CEP112: variants seen among roughly 807,000 people sequenced by gnomAD.
CEP112 encodes the protein centrosomal protein 112.
Under a neutral mutation model 153.0 loss-of-function variants are expected in CEP112, and 127 were observed. That is an observed-to-expected ratio of 0.83 (90% CI 0.72 to 0.96). The LOEUF (loss-of-function observed/expected upper bound fraction) is 0.96. Among genes scored for constraint, CEP112 ranks in the 40% least tolerant of loss-of-function variants. CEP112 has a pLI of 0.00. For missense variants in CEP112, 1,089 were observed against 1,101.2 expected (o/e 0.99, Z 0.16); for synonymous variants, 358 against 374.4 (o/e 0.96, Z 0.51).
chr17:66,144,802 C>T (rs765462987), intron 4 of CEP112, among the ~76,000 whole-genome samples: 1 of 152,014 alleles, frequency 6.6e-6, no homozygotes, highest in African/African-American at 2.4e-5. Flanking sequence ...GATTGTTTAC[C>T]CCTTTGGGTT....
chr17:65,908,128 T>C (rs2060149693), intron 19 of CEP112, among the ~76,000 whole-genome samples: 2 of 152,196 alleles, frequency 1.3e-5, no homozygotes, highest in South Asian at 4.1e-4. Context: ...AGGAGTTCCC[T>C]GTAATAAAAG....
intron 21 of CEP112, among the ~76,000 whole-genome samples, chr17:65,824,689 C>A (rs549738373): frequency 6.6e-6 from 1 of 152,064 alleles, no homozygotes; most frequent in East Asian, 1.9e-4. Context: ...TGTGAAGCCA[C>A]AAACGGAGAT....
At chr17:65,684,410 A>G (rs2047682454) in intron 24 of CEP112, among the ~76,000 whole-genome samples, 1 of 152,248 alleles carries the variant, frequency 6.6e-6, no homozygotes, top group African/African-American at 2.4e-5. Context: ...GCCAGTTTGA[A>G]GCAGGGAATT....
chr17:65,959,860 G>T (rs2062135656), intron 18 of CEP112, among the ~76,000 whole-genome samples: 2 of 152,170 alleles, frequency 1.3e-5, no homozygotes, highest in African/African-American at 4.8e-5. Context: ...CTCACCCTTG[G>T]CAGGTGTTGG....
rs141879747 is a variant in CEP112, at chr17:65,918,049, G to A, written c.1980+9533C>T. Among the ~76,000 whole-genome samples, 974 of 151,932 alleles carry A rather than the reference G, an allele frequency of 6.4e-3. 14 individuals are homozygous for A. Among genetic ancestry groups the A allele is most frequent in the African/African-American group, 0.023 (936 of 41,456 alleles). ...GAAAAAATTAGCCAGGCGTGGTGGCGTGTGCCTGTAGTCCCAGCTACTTGG... is the reference window on the plus strand; with the variant it reads ...GAAAAAATTAGCCAGGCGTGGTGGCATGTGCCTGTAGTCCCAGCTACTTGG... On this transcript the variant is annotated intron_variant, in intron 19 of 26. Coordinates refer to ENST00000535342, the MANE Select transcript of CEP112 (RefSeq NM_001199165.4).
intron 19 of CEP112, among the ~76,000 whole-genome samples, chr17:65,912,277 T>C (rs1257186920): frequency 6.6e-6 from 1 of 152,138 alleles, no homozygotes; most frequent in Non-Finnish European, 1.5e-5. Flanking sequence ...TACTATCCAG[T>C]AGAGTAATCG....
chr17:65,807,069 G>A (rs897223616), intron 21 of CEP112, among the ~76,000 whole-genome samples: 1 of 152,180 alleles, frequency 6.6e-6, no homozygotes, highest in Non-Finnish European at 1.5e-5. Context: ...GAACAATGAG[G>A]TCCAGGCTGA....
chr17:66,165,133 A>G (rs2071897246), intron 4 of CEP112, among the ~76,000 whole-genome samples: 1 of 145,214 alleles, frequency 6.9e-6, no homozygotes, highest in Admixed American at 6.9e-5. Context: ...TTCCTACCCC[A>G]CATCCCCACC....
intron 20 of CEP112, among the ~76,000 whole-genome samples, chr17:65,891,183 T>C (rs886752518): frequency 6.6e-6 from 1 of 152,132 alleles, no homozygotes; most frequent in African/African-American, 2.4e-5. Context: ...TTAAGGTAAT[T>C]AGCTAATATG....
At chr17:65,985,909 G>C (rs2063390523) in intron 17 of CEP112, among the ~76,000 whole-genome samples, 1 of 151,208 alleles carries the variant, frequency 6.6e-6, no homozygotes, top group Admixed American at 6.6e-5. Context: ...TGCATTTAGA[G>C]TTTAGGCCTA....
At chr17:65,816,002 G>A (rs183164199) in intron 21 of CEP112, among the ~76,000 whole-genome samples, 2 of 151,666 alleles carry the variant, frequency 1.3e-5, no homozygotes, top group African/African-American at 4.8e-5. Flanking sequence ...CACTTCCTAC[G>A]ACCTCCAGTA....
At chr17:65,741,657 T>C (rs2051147481) in intron 23 of CEP112, among the ~76,000 whole-genome samples, 1 of 151,912 alleles carries the variant, frequency 6.6e-6, no homozygotes, top group Non-Finnish European at 1.5e-5. Context: ...CAGGAGTATA[T>C]TCATATTTTC....
chr17:65,936,793 T>TCTTCCCCTCCCACTCCTC, intron 18 of CEP112, among the ~76,000 whole-genome samples: 1 of 109,588 alleles, frequency 9.1e-6, no homozygotes, highest in African/African-American at 3.1e-5. Flanking sequence ...TCCGTCTACC[T>TCTTCCCCTCCCACTCCTC]CTCCCCCTCC....
chr17:65,690,953 G>C (rs1330750290), intron 23 of CEP112, among the ~76,000 whole-genome samples: 4 of 152,166 alleles, frequency 2.6e-5, no homozygotes, highest in Non-Finnish European at 5.9e-5. Flanking sequence ...CAGAGGCAGA[G>C]AGCAGGGGAG....
chr17:65,883,046 A>T (rs2059143755), intron 20 of CEP112, among the ~76,000 whole-genome samples: 1 of 152,158 alleles, frequency 6.6e-6, no homozygotes, highest in African/African-American at 2.4e-5. Context: ...TTTTAGGCAT[A>T]GGGTATACAG....
intron 23 of CEP112, among the ~76,000 whole-genome samples, chr17:65,710,405 C>T (rs945921304): frequency 1.1e-4 from 16 of 151,804 alleles, no homozygotes; most frequent in Admixed American, 9.8e-4. Context: ...TAATTTTTAT[C>T]CTTTTGTACC....
At chr17:65,797,676 A>C (rs2055018511) in intron 21 of CEP112, among the ~76,000 whole-genome samples, 1 of 152,196 alleles carries the variant, frequency 6.6e-6, no homozygotes, top group African/African-American at 2.4e-5. Context: ...ACACCTGAAT[A>C]GTTTAGAAAG....
chr17:66,098,385 T>C (rs2068433123), intron 6 of CEP112, among the ~76,000 whole-genome samples: 1 of 152,196 alleles, frequency 6.6e-6, no homozygotes, highest in African/African-American at 2.4e-5. Context: ...ATTTCAAATA[T>C]AAATTATTGG....
chr17:65,698,871 A>G (rs1461018767), intron 23 of CEP112, among the ~76,000 whole-genome samples: 1 of 152,014 alleles, frequency 6.6e-6, no homozygotes, highest in Non-Finnish European at 1.5e-5. Context: ...CTCACAGACC[A>G]CCCCTCTTCA....
Sources: gnomAD v4.1 joint callset for allele counts (sites outside exome capture counted in the v4.1 genomes callset) on GRCh38, gnomAD v4.1.1 for gene constraint, MANE v1.5 for transcripts, NCBI Gene and HGNC (gene_info 2026-07-23, HGNC 2026-07-21) for gene names.